EPRS1: variants seen among roughly 807,000 people sequenced by gnomAD.
The protein encoded by EPRS1 is glutamyl-prolyl-tRNA synthetase 1.
Under a neutral mutation model 188.3 loss-of-function variants are expected in EPRS1, and 107 were observed. That is an observed-to-expected ratio of 0.57 (90% CI 0.49 to 0.67). The LOEUF (loss-of-function observed/expected upper bound fraction) is 0.67. EPRS1 is among the 30% of genes least tolerant of loss of function. EPRS1 has a pLI of 0.00. For synonymous variants in EPRS1, 596 were observed against 593.1 expected, an observed-to-expected ratio of 1.00 and a Z score of -0.07; for missense variants, 1,577 against 1,802.2, an observed-to-expected ratio of 0.88 and a Z score of 2.26.
intron 12 of EPRS1, among the ~76,000 whole-genome samples, chr1:220,016,782 G>A (rs1661726284): frequency 6.8e-6 from 1 of 148,088 alleles, no homozygotes; most frequent in Non-Finnish European, 1.5e-5. Flanking sequence ...GAGAGACAAA[G>A]CAAGACAATC....
At position 219,997,043 on chromosome 1, in the gene EPRS1, A is replaced by G. The variant is rs953877690; in HGVS notation, c.2481T>C (p.Tyr827=). 6.8e-6 allele frequency: 11 copies of G among 1,613,504 alleles called. No individual in the cohort carries two copies. The highest frequency in any genetic ancestry group is 9.3e-6 in the Non-Finnish European group (11 of 1,179,884). Reference sequence around the variant, plus strand: ...CCTCCCCTTGTGCAGCAACTTCATCATACAGAGATTTACTTTCCAGAATAC... The same window carrying G: ...CCTCCCCTTGTGCAGCAACTTCATCGTACAGAGATTTACTTTCCAGAATAC... ...SASILESKSL[Y]DEVAAQGEVV... is the part of the protein sequence containing the mutation. The change falls in exon 18 of 32, where the codon TAT becomes TAC. Residue 827 remains tyrosine, a synonymous_variant. Coordinates refer to ENST00000366923, the MANE Select transcript of EPRS1 (RefSeq NM_004446.3).
At chr1:220,037,369 G>T (rs1450432074) in intron 2 of EPRS1, among the ~76,000 whole-genome samples, 2 of 151,952 alleles carry the variant, frequency 1.3e-5, no homozygotes, top group African/African-American at 4.8e-5. Flanking sequence ...GCCAGGCATG[G>T]TGGCACATGC....
intron 13 of EPRS1, among the ~76,000 whole-genome samples, chr1:220,010,301 G>T (rs1661576082): frequency 6.6e-6 from 1 of 151,986 alleles, no homozygotes. Flanking sequence ...AAAGATAGGA[G>T]CTTGAATTAT....
chr1:220,022,840 TC>T (rs1455033102), intron 8 of EPRS1, among the ~76,000 whole-genome samples: 5 of 152,250 alleles, frequency 3.3e-5, no homozygotes, highest in Non-Finnish European at 7.3e-5. Context: ...TCCCTTCCCA[TC>T]ATGGCACAAC....
intron 21 of EPRS1, 120 bp from the exon 22 acceptor site, chr1:219,983,518 A>C: frequency 1.2e-5 from 8 of 658,664 alleles, no homozygotes; most frequent in Non-Finnish European, 2.1e-5. Context: ...ACATCCCCTT[A>C]ATGTGGGAGG....
chr1:220,034,160 G>A (rs1426922757), intron 3 of EPRS1, among the ~76,000 whole-genome samples: 2 of 152,130 alleles, frequency 1.3e-5, no homozygotes, highest in Admixed American at 6.5e-5. Context: ...ATGACATTTC[G>A]GTCAATGACA....
intron 30 of EPRS1, among the ~76,000 whole-genome samples, chr1:219,971,799 T>TACACACACAC (rs370076897): frequency 3.4e-5 from 4 of 116,866 alleles, no homozygotes; most frequent in African/African-American, 3.0e-5. Context: ...TATATATACA[T>TACACACACAC]ATACACACAC....
In EPRS1 at chr1:219,968,796, C is replaced by A; in HGVS notation, c.*10G>T. ...TGAGAGGAGTTGAAGAGGGGGCTTT[C>A]GTTCATCCCTCAGTAGCTGCGACCA... is the stretch of plus-strand genomic sequence containing the variant. On this transcript the variant is annotated 3_prime_UTR_variant, in exon 32 of 32. Transcript: ENST00000366923. The A allele has an allele frequency of 6.2e-7, 1 of 1,613,716 alleles. No individual in the cohort carries two copies. Among genetic ancestry groups the A allele is most frequent in the South Asian group, 1.1e-5 (1 of 91,058 alleles).
intron 7 of EPRS1, 104 bp downstream of exon 7, chr1:220,025,028 C>CAGCTATGA (rs1438091071): frequency 1.4e-5 from 15 of 1,108,592 alleles, no homozygotes; most frequent in Non-Finnish European, 1.9e-5. Flanking sequence ...GGGAAAAAAG[C>CAGCTATGA]AGCTATGAGA....
chr1:220,029,083 A>G (rs998687728), intron 6 of EPRS1, among the ~76,000 whole-genome samples: 16 of 152,176 alleles, frequency 1.1e-4, no homozygotes, highest in African/African-American at 3.9e-4. Flanking sequence ...CAAATGTTCA[A>G]GTGGCGCAGC....
At chr1:220,003,307 T>A (rs1162544261) in intron 16 of EPRS1, among the ~76,000 whole-genome samples, 1 of 152,242 alleles carries the variant, frequency 6.6e-6, no homozygotes, top group Non-Finnish European at 1.5e-5. Flanking sequence ...AATTGGGTTC[T>A]CTTCTGGATA....
chr1:220,045,922 T>G (rs1662392450), intron 1 of EPRS1, among the ~76,000 whole-genome samples: 1 of 151,694 alleles, frequency 6.6e-6, no homozygotes, highest in Admixed American at 6.6e-5. Flanking sequence ...GGAAAGGAGG[T>G]AAGAAAAGGA....
intron 28 of EPRS1, among the ~76,000 whole-genome samples, chr1:219,976,612 G>A (rs1660786274): frequency 1.3e-5 from 2 of 152,114 alleles, no homozygotes; most frequent in African/African-American, 4.8e-5. Context: ...ATTTGTATTG[G>A]ACTTGCTTTG....
intron 12 of EPRS1, among the ~76,000 whole-genome samples, chr1:220,017,185 C>T (rs1011061336): frequency 2.0e-5 from 3 of 151,916 alleles, no homozygotes; most frequent in Admixed American, 6.6e-5. Context: ...TGCACTCCAC[C>T]GTGGGCGACA....
rs747612434 is a variant in EPRS1 at position 220,033,559 on chromosome 1, A to G, written c.331T>C (p.Tyr111His). 1.7e-5 allele frequency: 27 copies of G among 1,612,624 alleles called. No individual in the cohort carries two copies. Among genetic ancestry groups the G allele is most frequent in the Non-Finnish European group, 2.3e-5 (27 of 1,178,822 alleles). The change falls in exon 4 of 32, where the codon TAC becomes CAC. Residue 111 changes from tyrosine to histidine, a missense_variant. By Grantham distance (83) the Tyr-to-His change is moderately conservative. Around this residue, in one of 3 missense-constraint regions of EPRS1, gnomAD observed 1,278 missense variants for 1,457.4 expected, o/e 0.88. Coordinates refer to ENST00000366923, the MANE Select transcript of EPRS1 (RefSeq NM_004446.3). ...ELNHCLSLRT[Y>H]LVGNSLSLAD... ...AAACTCAAGGAGTTTCCAACTAAGT[A>G]TGTTCTCAGAGACAGGCAATGATTG...
chr1:219,987,910 T>C (rs748003252), intron 19 of EPRS1, among the ~76,000 whole-genome samples: 7 of 152,238 alleles, frequency 4.6e-5, no homozygotes, highest in Non-Finnish European at 8.8e-5. Flanking sequence ...ACTACTGTAT[T>C]AGACAATATT....
In EPRS1 at chr1:219,983,083, A is replaced by G. The variant is rs879223490; in HGVS notation, c.3300+106T>C. The stretch of plus-strand genomic sequence containing the variant: ...TATAAAGGTAGAAACAGAACTTTTT[A>G]ATAAAAATGGCTTTATATTTTTCAA... On this transcript the variant is annotated intron_variant, in intron 22 of 31. Coordinates refer to ENST00000366923, the MANE Select transcript of EPRS1 (RefSeq NM_004446.3). The G allele has an allele frequency of 1.3e-5, 12 of 944,862 alleles. No homozygotes were observed. The South Asian group carries it at 2.0e-4, about 16-fold the overall frequency. The allele number at this position is 944,862 out of a possible 1,614,324, so 58.5% of individuals were successfully genotyped here. A position where few individuals can be genotyped will look rare whatever the true frequency, so the allele number is the denominator to read the frequency against.
chr1:219,989,593 G>A (rs1362301809), intron 18 of EPRS1, among the ~76,000 whole-genome samples: 5 of 152,132 alleles, frequency 3.3e-5, no homozygotes, highest in African/African-American at 1.2e-4. Flanking sequence ...TTCGAATAAT[G>A]CTCCAGATAG....
At chr1:220,038,049 T>C (rs1662221012) in intron 2 of EPRS1, among the ~76,000 whole-genome samples, 1 of 151,536 alleles carries the variant, frequency 6.6e-6, no homozygotes, top group Non-Finnish European at 1.5e-5. Flanking sequence ...TGTGTGTATG[T>C]AGTGGCAACA....
Sources: allele counts gnomAD v4.1 joint callset (sites outside exome capture counted in the v4.1 genomes callset), GRCh38; gene constraint gnomAD v4.1.1; regional missense constraint gnomAD v4.1.1; transcripts MANE v1.5; gene names NCBI Gene and HGNC (gene_info 2026-07-23, HGNC 2026-07-21).